The following FRMD7 variants were observed in gnomAD, a reference collection of about 807,000 sequenced individuals.
FRMD7 encodes FERM domain-containing protein 7.
FRMD7 carries 14 observed loss-of-function variants against 44.1 expected under a neutral mutation model. The observed-to-expected ratio is 0.32, with a 90% CI of 0.21 to 0.50. The LOEUF (loss-of-function observed/expected upper bound fraction) is 0.50, where lower values mean the gene tolerates loss of function less well. Ranked by LOEUF, FRMD7 falls within the 20% of genes least tolerant of loss-of-function variation. FRMD7 has a pLI of 0.99. For synonymous variants in FRMD7, 212 were observed against 187.4 expected (o/e 1.13, Z -1.07); for missense variants, 501 against 522.3 (o/e 0.96, Z 0.40).
chrX:132,119,541 G>A, intron 1 of FRMD7, among the ~76,000 whole-genome samples: 1 of 111,610 alleles, frequency 9.0e-6, no homozygotes, highest in Non-Finnish European at 1.9e-5. Context: ...CCAGGGCCTG[G>A]GGTCAGCTCA....
At chrX:132,091,880 G>A (rs1281796521) in intron 5 of FRMD7, among the ~76,000 whole-genome samples, 2 of 111,509 alleles carry the variant, frequency 1.8e-5, no homozygotes, top group Non-Finnish European at 3.8e-5. Context: ...CATAAAAGAA[G>A]AAAAGAATAA....
At chrX:132,086,995 G>T (rs947253805) in intron 5 of FRMD7, among the ~76,000 whole-genome samples, 1 of 112,050 alleles carries the variant, frequency 8.9e-6, no homozygotes, top group Non-Finnish European at 1.9e-5. Context: ...ATCATAATTT[G>T]CTCTTTTCTA....
intron 5 of FRMD7, among the ~76,000 whole-genome samples, chrX:132,088,869 T>C (rs1308852322): frequency 8.9e-6 from 1 of 111,883 alleles, no homozygotes; most frequent in Non-Finnish European, 1.9e-5. Context: ...GAAGAGATAG[T>C]TCATGTTCAC....
intron 3 of FRMD7, among the ~76,000 whole-genome samples, chrX:132,098,184 C>T (rs182400083): frequency 1.7e-4 from 19 of 112,278 alleles, no homozygotes; most frequent in Admixed American, 1.3e-3. Context: ...TTCAGATAAA[C>T]AACAATTGCA....
At chrX:132,087,948 AAT>A (rs776807953) in intron 5 of FRMD7, among the ~76,000 whole-genome samples, 93 of 111,566 alleles carry the variant, frequency 8.3e-4, no homozygotes, top group African/African-American at 2.9e-3. Context: ...ACAAAAAAAA[AAT>A]AACCCGCACA....
intron 1 of FRMD7, among the ~76,000 whole-genome samples, chrX:132,125,112 A>T (rs967709108): frequency 3.6e-5 from 4 of 111,533 alleles, no homozygotes; most frequent in Non-Finnish European, 5.7e-5. Flanking sequence ...TGACACTAGC[A>T]TTCTAATTTT....
chrX:132,078,353 G>C lies in FRMD7; in HGVS notation c.1664C>G (p.Ala555Gly), dbSNP rs772057382. Residue 555 changes from alanine (A) to glycine (G), a missense_variant, in exon 12 of 12, where the codon GCC becomes GGC. Coordinates refer to ENST00000298542, the MANE Select transcript of FRMD7 (RefSeq NM_194277.3). ...QDLQVLQEAI[A>G]RTSGRSNINV... ...GATGTTGCTCCTACCGCTAGTCCTG[G>C]CTATAGCTTCTTGGAGTACTTGCAG... The C allele has an allele frequency of 8.3e-7, 1 of 1,211,198 alleles. No homozygotes were observed. Among genetic ancestry groups the C allele is most frequent in the Non-Finnish European group, 1.1e-6 (1 of 894,955 alleles).
chrX:132,125,188 C>A (rs1199012302), intron 1 of FRMD7, among the ~76,000 whole-genome samples: 1 of 111,516 alleles, frequency 9.0e-6, no homozygotes, highest in Non-Finnish European at 1.9e-5. Context: ...GTCAGGAGGC[C>A]TGAGTTAGAC....
chrX:132,117,868 G>A (rs1243940671), intron 1 of FRMD7, among the ~76,000 whole-genome samples: 1 of 112,227 alleles, frequency 8.9e-6, no homozygotes, highest in Non-Finnish European at 1.9e-5. Flanking sequence ...AGATGTACAT[G>A]TATCTTTACA....
At chrX:132,091,670 CAAAAAAA>C (rs35822147) in intron 5 of FRMD7, among the ~76,000 whole-genome samples, 1 of 48,134 alleles carries the variant, frequency 2.1e-5, no homozygotes, top group Non-Finnish European at 3.9e-5. Context: ...ACTAAAAATA[CAAAAAAA>C]AAAAAAAAAA....
chrX:132,097,930 C>CAGTAAAA (rs1928390477), intron 3 of FRMD7, among the ~76,000 whole-genome samples: 1 of 112,475 alleles, frequency 8.9e-6, no homozygotes, highest in Non-Finnish European at 1.9e-5. Flanking sequence ...TGTTGGTGCC[C>CAGTAAAA]ATTATCTGCA....
rs1332758557 is a variant in FRMD7 at position 132,084,486 on chromosome X, T to C, written c.741+4A>G. On this transcript the variant is annotated splice_donor_region_variant and intron_variant, in intron 8 of 11. Coordinates refer to ENST00000298542, the MANE Select transcript of FRMD7 (RefSeq NM_194277.3). The stretch of plus-strand genomic sequence containing the variant: ...GTAAACGAATTTATTAGAAAGCTAC[T>C]TACCAAGATATTGGCATGAAGTTTG... 9.0e-7 allele frequency: 1 copy of C among 1,105,119 alleles called. No individual in the cohort carries two copies. Among genetic ancestry groups the C allele is most frequent in the East Asian group, 3.0e-5 (1 of 33,430 alleles). The allele number at this position is 1,105,119 out of a possible 1,213,427, so 91.1% of individuals were successfully genotyped here. A position where few individuals can be genotyped will look rare whatever the true frequency, so the allele number is the denominator to read the frequency against.
In FRMD7 at chrX:132,094,375, G is replaced by A. The variant is rs141789163; in HGVS notation, c.285-236C>T. 2.1e-5 allele frequency: 8 copies of A among 373,256 alleles called. No homozygotes were observed. In the East Asian group the frequency reaches 3.8e-4, roughly 18 times the overall value. 30.8% of individuals were successfully genotyped at this position (373,256 alleles called of 1,213,427 possible). The stretch of plus-strand genomic sequence containing the variant: ...CTCACAGCCATTAGGAATCACCCTG[G>A]CCAAATCCTCCTGCCAAATTGAGAA... On this transcript the variant is annotated intron_variant, in intron 4 of 11. Transcript: ENST00000298542.
intron 5 of FRMD7, among the ~76,000 whole-genome samples, chrX:132,090,632 G>A (rs759267054): frequency 9.0e-5 from 10 of 111,047 alleles, no homozygotes; most frequent in African/African-American, 1.6e-4. Context: ...ACTGGATTGC[G>A]GTAATGCTTG....
intron 5 of FRMD7, among the ~76,000 whole-genome samples, chrX:132,086,679 T>C (rs1238312571): frequency 1.8e-5 from 2 of 108,124 alleles, no homozygotes; most frequent in East Asian, 5.8e-4. Context: ...AAAAAACAAC[T>C]GCTGACAGCT....
At chrX:132,105,408 A>G (rs1928618796) in intron 1 of FRMD7, among the ~76,000 whole-genome samples, 1 of 112,222 alleles carries the variant, frequency 8.9e-6, no homozygotes, top group African/African-American at 3.2e-5. Flanking sequence ...AGACATTCTC[A>G]GTATCATTAA....
chrX:132,088,929 T>C, intron 5 of FRMD7, among the ~76,000 whole-genome samples: 1 of 112,157 alleles, frequency 8.9e-6, no homozygotes, highest in Non-Finnish European at 1.9e-5. Context: ...CAAAAAATAA[T>C]CTATAAATTC....
At chrX:132,088,474 C>T (rs1366295120) in intron 5 of FRMD7, among the ~76,000 whole-genome samples, 2 of 109,362 alleles carry the variant, frequency 1.8e-5, no homozygotes, top group Admixed American at 9.9e-5. Flanking sequence ...GGGAGCATTG[C>T]TTGAGCCCAG....
At chrX:132,084,080 G>T (rs1927907536) in intron 8 of FRMD7, among the ~76,000 whole-genome samples, 1 of 111,533 alleles carries the variant, frequency 9.0e-6, no homozygotes, top group South Asian at 3.7e-4. Flanking sequence ...GCTTGTTTTT[G>T]GCATATACTA....
Sources: gnomAD v4.1 joint callset for allele counts (sites outside exome capture counted in the v4.1 genomes callset) on GRCh38, gnomAD v4.1.1 for gene constraint, MANE v1.5 for transcripts, NCBI Gene and HGNC (gene_info 2026-07-23, HGNC 2026-07-21) for gene names.